OC90: variants seen among roughly 807,000 people sequenced by gnomAD.
OC90 encodes otoconin 90.
OC90 carries 46 observed loss-of-function variants against 47.3 expected under a neutral mutation model. The observed-to-expected ratio is 0.97, with a 90% CI of 0.77 to 1.24. The LOEUF (loss-of-function observed/expected upper bound fraction) is 1.24. Among genes scored for constraint, OC90 ranks in the 50% most tolerant of loss-of-function variants. The pLI is 0.00. For synonymous variants in OC90, 271 were observed against 219.5 expected (o/e 1.23, Z -2.07); for missense variants, 688 against 583.9 (o/e 1.18, Z -1.84).
At chr8:132,024,809 G>A (rs372283485) in intron 13 of OC90, 33 bp from the exon 14 acceptor site, 18 of 1,574,432 alleles carry the variant, frequency 1.1e-5, no homozygotes, top group Non-Finnish European at 1.6e-5. Flanking sequence ...GAAGCCATGA[G>A]ACCTCTGAGG....
At chr8:132,035,816 A>G (rs1362235700) in intron 9 of OC90, among the ~76,000 whole-genome samples, 2 of 152,224 alleles carry the variant, frequency 1.3e-5, no homozygotes, top group Non-Finnish European at 2.9e-5. Context: ...GTTTGTCTGT[A>G]AAATGAGGAT....
intron 12 of OC90, among the ~76,000 whole-genome samples, chr8:132,029,867 C>A (rs915127322): frequency 5.9e-5 from 9 of 152,204 alleles, no homozygotes; most frequent in African/African-American, 1.9e-4. Context: ...CAATAGGGAG[C>A]TACAGTTGCT....
intron 13 of OC90, among the ~76,000 whole-genome samples, chr8:132,024,978 C>T (rs1367917175): frequency 2.0e-5 from 3 of 152,222 alleles, no homozygotes; most frequent in Non-Finnish European, 4.4e-5. Context: ...GCTGTCAATG[C>T]TCTCAACTGG....
At chr8:132,030,275 T>C (rs1175595766) in intron 12 of OC90, among the ~76,000 whole-genome samples, 1 of 152,226 alleles carries the variant, frequency 6.6e-6, no homozygotes, top group Non-Finnish European at 1.5e-5. Context: ...ATGTACAGTA[T>C]ATGTGGTCTT....
intron 13 of OC90, among the ~76,000 whole-genome samples, chr8:132,028,724 G>GAGAA (rs1554613392): frequency 7.8e-6 from 1 of 128,864 alleles, no homozygotes. Context: ...AAGAAAGAAA[G>GAGAA]AGAAAGAAAG....
At chr8:132,031,080 A>T (rs1822867020) in intron 12 of OC90, among the ~76,000 whole-genome samples, 1 of 152,136 alleles carries the variant, frequency 6.6e-6, no homozygotes, top group Non-Finnish European at 1.5e-5. Context: ...TTTAAACTTG[A>T]TCAACGCTAC....
intron 1 of OC90, among the ~76,000 whole-genome samples, chr8:132,057,156 A>G (rs892462693): frequency 5.9e-5 from 9 of 152,338 alleles, no homozygotes; most frequent in African/African-American, 2.2e-4. Flanking sequence ...AAGAATTACA[A>G]TGATGGCATC....
chr8:132,029,235 C>T, intron 12 of OC90, 56 bp from the exon 13 acceptor site: 1 of 1,353,926 alleles, frequency 7.4e-7, no homozygotes, highest in Non-Finnish European at 1.1e-6. Flanking sequence ...CTAGGAACCC[C>T]CTCAAGCACA....
chr8:132,028,798 GGAAA>G (rs1157353026), intron 13 of OC90, among the ~76,000 whole-genome samples: 54 of 34,492 alleles, frequency 1.6e-3, no homozygotes, highest in Admixed American at 3.5e-3. Context: ...GAAAGAAGAA[GGAAA>G]GAAAGAAAGA....
In OC90 at chr8:132,037,431, G is replaced by T; in HGVS notation, c.679+7C>A. 1 of 1,579,196 alleles carries T rather than the reference G, an allele frequency of 6.3e-7. No individual in the cohort carries two copies. Among genetic ancestry groups the T allele is most frequent in the Non-Finnish European group, 8.6e-7 (1 of 1,161,042 alleles). On this transcript the variant is annotated splice_region_variant and intron_variant, in intron 9 of 13. Coordinates refer to ENST00000254627, the MANE Select transcript of OC90 (RefSeq NM_001080399.3). ...TTTGGGTTCCACACTAGCCCCTTCT[G>T]GCTCACCTTCTCCTGAAAGGGCTGT... is the stretch of plus-strand genomic sequence containing the variant.
At chr8:132,044,760 C>T (rs1479793941) in intron 3 of OC90, among the ~76,000 whole-genome samples, 1 of 152,184 alleles carries the variant, frequency 6.6e-6, no homozygotes, top group Non-Finnish European at 1.5e-5. Flanking sequence ...TATGGGTGAA[C>T]TATAAATACC....
chr8:132,049,388 G>A (rs935480770), intron 2 of OC90, among the ~76,000 whole-genome samples: 2 of 152,152 alleles, frequency 1.3e-5, no homozygotes, highest in African/African-American at 4.8e-5. Flanking sequence ...TGTCCAACTA[G>A]CTACCTGCCC....
intron 2 of OC90, among the ~76,000 whole-genome samples, chr8:132,047,171 G>A (rs1823145162): frequency 6.6e-6 from 1 of 152,156 alleles, no homozygotes; most frequent in African/African-American, 2.4e-5. Flanking sequence ...AACCACCACT[G>A]GTGAGAGGAA....
At position 132,028,062 on chromosome 8, in the gene OC90, T is replaced by C. The variant is rs566152950; in HGVS notation, c.1138+1011A>G. 5.8e-4 allele frequency among the ~76,000 whole-genome samples: 89 copies of C among 152,298 alleles called. 1 individual carries two copies. The highest frequency in any genetic ancestry group is 4.9e-4 in the Non-Finnish European group (33 of 68,018). ...GTTTTGAGGATTAATTCTGTTAACA[T>C]ACATTAAGAGCTGAGAATCAGTAAG... On this transcript the variant is annotated intron_variant, in intron 13 of 13. Transcript: ENST00000254627.
At position 132,025,013 on chromosome 8, in the gene OC90, C is replaced by T. The variant is rs563126693; in HGVS notation, c.1139-237G>A. ...GTGTCTGTCAAGACTAGGCTGGCTT[C>T]CCCTCCTCCAGAAAGTTTGCCTGAG... is the stretch of plus-strand genomic sequence containing the variant. On this transcript the variant is annotated intron_variant, in intron 13 of 13. Transcript: ENST00000254627. 2.6e-3 allele frequency among the ~76,000 whole-genome samples: 403 copies of T among 152,350 alleles called. 1 individual carries two copies. The highest frequency in any genetic ancestry group is 9.4e-3 in the African/African-American group (389 of 41,586).
In OC90 at chr8:132,024,529, C is replaced by T. The variant is rs1822725317; in HGVS notation, c.1386G>A (p.Leu462=). Residue 462 remains leucine (L), a synonymous_variant, in exon 14 of 14, where the codon CTG becomes CTA. Transcript: ENST00000254627. The stretch of plus-strand genomic sequence containing the variant: ...TCCCCAAGGGACCCAGTGACTTCCG[C>T]AGAAACCTCTTGGCTCTGCCGAGGT... ...QEDLGRAKRF[L]RKSLGPLGIG... is the part of the protein sequence containing the mutation. 4 of 1,596,622 alleles carry T rather than the reference C, an allele frequency of 2.5e-6. 1 individual carries two copies. In the South Asian group the frequency reaches 3.3e-5, roughly 13 times the overall value.
At chr8:132,053,359 A>T (rs1823242075) in intron 2 of OC90, among the ~76,000 whole-genome samples, 2 of 152,196 alleles carry the variant, frequency 1.3e-5, no homozygotes, top group African/African-American at 4.8e-5. Flanking sequence ...TACATTATAC[A>T]TATATAACAG....
At position 132,028,269 on chromosome 8, in the gene OC90, C is replaced by T. The variant is rs552665480; in HGVS notation, c.1138+804G>A. On this transcript the variant is annotated intron_variant, in intron 13 of 13. Transcript: ENST00000254627. ...CTGTAATCATAGCACTTTGGGAGGC[C>T]GAGGTGGGCAGATCACAAGGTCAGG... is the stretch of plus-strand genomic sequence containing the variant. Among the ~76,000 whole-genome samples the T allele has an allele frequency of 9.2e-5, 14 of 151,900 alleles. No homozygotes were observed. In the East Asian group the frequency reaches 2.3e-3, roughly 25 times the overall value.
chr8:132,031,134 C>T lies in OC90; in HGVS notation c.1031+747G>A, dbSNP rs183988694. 3.5e-3 allele frequency among the ~76,000 whole-genome samples: 526 copies of T among 152,296 alleles called. 2 individuals are homozygous for T. The highest frequency in any genetic ancestry group is 4.5e-3 in the Non-Finnish European group (309 of 68,026). On this transcript the variant is annotated intron_variant, in intron 12 of 13. Transcript: ENST00000254627. Reference sequence around the variant, plus strand: ...ACTCAGGTTGAGTGCTCCATGGTTTCCTCTGTTTACCCTACTGTATTTATT... The same window carrying T: ...ACTCAGGTTGAGTGCTCCATGGTTTTCTCTGTTTACCCTACTGTATTTATT...
Sources: allele counts gnomAD v4.1 joint callset (sites outside exome capture counted in the v4.1 genomes callset), GRCh38; gene constraint gnomAD v4.1.1; transcripts MANE v1.5; gene names NCBI Gene and HGNC (gene_info 2026-07-23, HGNC 2026-07-21).